The following KLHDC1 variants were observed in gnomAD, a reference collection of about 807,000 sequenced individuals.
KLHDC1 encodes kelch domain-containing protein 1.
KLHDC1 carries 53 observed loss-of-function variants against 68.3 expected under a neutral mutation model. The observed-to-expected ratio is 0.78, with a 90% CI of 0.62 to 0.98. KLHDC1 has a LOEUF of 0.98. Among genes scored for constraint, KLHDC1 ranks in the 50% least tolerant of loss-of-function variants. KLHDC1 has a pLI of 0.00. For synonymous variants in KLHDC1, 148 were observed against 159.0 expected (o/e 0.93, Z 0.52); for missense variants, 470 against 492.3 (o/e 0.95, Z 0.43).
chr14:49,696,018 A>C (rs181225201), intron 1 of KLHDC1, among the ~76,000 whole-genome samples: 23 of 150,442 alleles, frequency 1.5e-4, no homozygotes, highest in African/African-American at 5.6e-4. Flanking sequence ...GTGAGCAGAG[A>C]TCGCACCACT....
At chr14:49,746,178 G>A (rs1435228411) in intron 12 of KLHDC1, among the ~76,000 whole-genome samples, 1 of 152,176 alleles carries the variant, frequency 6.6e-6, no homozygotes, top group Non-Finnish European at 1.5e-5. Flanking sequence ...GTCTGAAGAT[G>A]GCATAAGGGT....
At chr14:49,699,876 G>A (rs1887851873) in intron 1 of KLHDC1, among the ~76,000 whole-genome samples, 1 of 152,050 alleles carries the variant, frequency 6.6e-6, no homozygotes, top group South Asian at 2.1e-4. Flanking sequence ...GCTACTGCAA[G>A]GAACATTAAA....
intron 12 of KLHDC1, among the ~76,000 whole-genome samples, chr14:49,746,184 AG>A: frequency 1.3e-5 from 2 of 152,322 alleles, no homozygotes; most frequent in South Asian, 4.1e-4. Context: ...AGATGGCATA[AG>A]GGTAGAAATG....
chr14:49,713,689 C>T (rs375773867), intron 4 of KLHDC1, among the ~76,000 whole-genome samples: 2 of 150,338 alleles, frequency 1.3e-5, no homozygotes, highest in Non-Finnish European at 3.0e-5. Flanking sequence ...AGTTTGAGAC[C>T]AGCCTGGCCA....
intron 10 of KLHDC1, among the ~76,000 whole-genome samples, chr14:49,738,938 T>A (rs567335965): frequency 2.9e-4 from 44 of 152,330 alleles, no homozygotes; most frequent in African/African-American, 1.1e-3. Context: ...AGTAAGCCAG[T>A]TTGAGCACAC....
intron 1 of KLHDC1, among the ~76,000 whole-genome samples, chr14:49,697,813 T>C (rs1020145854): frequency 2.6e-5 from 4 of 152,202 alleles, no homozygotes; most frequent in African/African-American, 9.6e-5. Flanking sequence ...TCTTATATAT[T>C]CTTACTATAT....
intron 6 of KLHDC1, among the ~76,000 whole-genome samples, chr14:49,728,547 C>G (rs1290017887): frequency 6.6e-6 from 1 of 152,108 alleles, no homozygotes; most frequent in African/African-American, 2.4e-5. Flanking sequence ...GCACTGCTCA[C>G]TTCTAATGGG....
intron 12 of KLHDC1, among the ~76,000 whole-genome samples, chr14:49,746,044 T>C (rs926738002): frequency 2.0e-5 from 3 of 152,082 alleles, no homozygotes; most frequent in African/African-American, 7.2e-5. Context: ...AAAGTATCAA[T>C]GGGGCTGGAG....
At chr14:49,722,540 A>C (rs143685488) in intron 4 of KLHDC1, among the ~76,000 whole-genome samples, 2,347 of 152,342 alleles carry the variant, frequency 0.015, 56 homozygotes, top group African/African-American at 0.053. Context: ...GTTGATTCCA[A>C]GTCTTTGAGG....
Position 49,729,526 on chromosome 14 carries a change from G to T in KLHDC1, c.688G>T (p.Asp230Tyr). 3.7e-6 allele frequency: 6 copies of T among 1,610,488 alleles called. No homozygotes were observed. Among genetic ancestry groups the T allele is most frequent in the Non-Finnish European group, 5.1e-6 (6 of 1,177,098 alleles). ...GAATGATTTGCACTATCTAAACCTA[G>T]ACACCTGGACTTGGTCTGGAAGGTA... ...RMNDLHYLNL[D>Y]TWTWSGRITI... Residue 230 changes from aspartate (D) to tyrosine (Y), a missense_variant, in exon 8 of 13, where the codon GAC becomes TAC. Physicochemically the swap from Asp to Tyr is radical, Grantham distance 160. Transcript: ENST00000359332.
At chr14:49,720,673 C>A (rs2139749415) in intron 4 of KLHDC1, among the ~76,000 whole-genome samples, 1 of 152,006 alleles carries the variant, frequency 6.6e-6, no homozygotes, top group Non-Finnish European at 1.5e-5. Context: ...TCTTTGTCTC[C>A]CCTTCTGTGA....
At chr14:49,740,376 C>G (rs1231812548) in intron 11 of KLHDC1, among the ~76,000 whole-genome samples, 194 bp downstream of exon 11, 1 of 151,880 alleles carries the variant, frequency 6.6e-6, no homozygotes, top group Non-Finnish European at 1.5e-5. Context: ...CTTGCTCTGT[C>G]CCCCAGGCTG....
rs566835690 is a variant in KLHDC1 at position 49,747,107 on chromosome 14, C to T, written c.1034+3302C>T. On this transcript the variant is annotated intron_variant, in intron 12 of 12. Coordinates refer to ENST00000359332, the MANE Select transcript of KLHDC1 (RefSeq NM_172193.3). ...GACCACAGGTGCCCGCCACCACACC[C>T]GGCTAATTTTTTGTATTTTTAGTAG... Among the ~76,000 whole-genome samples, 365 of 152,186 alleles carry T rather than the reference C, an allele frequency of 2.4e-3. 3 individuals carry two copies. Among genetic ancestry groups the T allele is most frequent in the African/African-American group, 8.3e-3 (346 of 41,542 alleles).
rs751653286 is a variant in KLHDC1, at chr14:49,723,947, TC to T, written c.479del (p.Ser160PhefsTer62). 1 of 1,588,050 alleles carries T rather than the reference TC, an allele frequency of 6.3e-7. No individual in the cohort carries two copies. Among genetic ancestry groups the T allele is most frequent in the Non-Finnish European group, 8.6e-7 (1 of 1,159,082 alleles). Reference protein sequence around the residue: ...LQDCFDVHDASWEEQIFWGWH... With the variant: ...LQDCFDVHDAXWEEQIFWGWH... ...AGACTGTTTTGATGTTCATGATGCA[TC>T]TTGGGTAAGATAGTAATCACTGTTT... is the stretch of plus-strand genomic sequence containing the variant. On this transcript the variant is annotated frameshift_variant, in exon 5 of 13. Transcript: ENST00000359332. LOFTEE classifies it high-confidence loss of function.
chr14:49,748,853 T>C (rs1471774442), intron 12 of KLHDC1, among the ~76,000 whole-genome samples: 1 of 151,560 alleles, frequency 6.6e-6, no homozygotes, highest in African/African-American at 2.4e-5. Flanking sequence ...AAGGCTGGAG[T>C]GCAGTGGCGC....
intron 1 of KLHDC1, among the ~76,000 whole-genome samples, chr14:49,707,297 T>TGAGAGAGAGA (rs762892306): frequency 8.3e-6 from 1 of 120,828 alleles, no homozygotes; most frequent in African/African-American, 3.1e-5. Flanking sequence ...TGTGTGTGTG[T>TGAGAGAGAGA]GAGAGAGAGA....
chr14:49,724,346 G>T (rs770202819), intron 5 of KLHDC1, among the ~76,000 whole-genome samples: 3 of 151,828 alleles, frequency 2.0e-5, no homozygotes, highest in Non-Finnish European at 4.4e-5. Flanking sequence ...ATAAGAGTCA[G>T]TTGGTAGTGA....
chr14:49,740,869 C>T (rs1218598775), intron 11 of KLHDC1, among the ~76,000 whole-genome samples: 1 of 151,978 alleles, frequency 6.6e-6, no homozygotes, highest in Admixed American at 6.6e-5. Context: ...CCAAGGCAGG[C>T]AAATCACTTG....
intron 1 of KLHDC1, among the ~76,000 whole-genome samples, chr14:49,694,952 C>T (rs1197892060): frequency 6.6e-6 from 1 of 152,172 alleles, no homozygotes; most frequent in Non-Finnish European, 1.5e-5. Flanking sequence ...ATTCTTTTTG[C>T]TCATGGAGGG....
Sources: gnomAD v4.1 joint callset for allele counts (sites outside exome capture counted in the v4.1 genomes callset) on GRCh38, gnomAD v4.1.1 for gene constraint, MANE v1.5 for transcripts, NCBI Gene and HGNC (gene_info 2026-07-23, HGNC 2026-07-21) for gene names.